ADGRA3: variants seen among roughly 807,000 people sequenced by gnomAD.
The protein encoded by ADGRA3 is G-protein coupled receptor 125.
In ADGRA3, 56 loss-of-function variants were observed where a neutral mutation model predicts 119.8. The observed-to-expected ratio is 0.47, with a 90% CI of 0.38 to 0.58. ADGRA3 has a LOEUF of 0.58. ADGRA3 is among the 20% of genes least tolerant of loss of function. The probability of loss-of-function intolerance (pLI) is 0.00; values close to 1 mark genes in which losing one functional copy is unlikely to be tolerated. For missense variants in ADGRA3, 1,516 were observed against 1,649.0 expected (o/e 0.92, Z 1.40); for synonymous variants, 607 against 623.8 (o/e 0.97, Z 0.40).
At chr4:22,505,646 CA>C (rs199814126) in intron 1 of ADGRA3, among the ~76,000 whole-genome samples, 19,039 of 122,786 alleles carry the variant, frequency 0.16, 1,310 homozygotes, top group East Asian at 0.39. Flanking sequence ...GACTCTGTCT[CA>C]AAAAAAAAAA....
chr4:22,487,509 C>A (rs957055684), intron 1 of ADGRA3, among the ~76,000 whole-genome samples: 1 of 152,138 alleles, frequency 6.6e-6, no homozygotes, highest in African/African-American at 2.4e-5. Flanking sequence ...GCTGTACAGC[C>A]CCCATTCCTA....
chr4:22,494,866 A>G (rs1208179176), intron 1 of ADGRA3, among the ~76,000 whole-genome samples: 1 of 151,926 alleles, frequency 6.6e-6, no homozygotes, highest in Non-Finnish European at 1.5e-5. Context: ...GACCCCCCTT[A>G]TATGTGGGGC....
intron 16 of ADGRA3, among the ~76,000 whole-genome samples, chr4:22,396,114 C>G (rs1714337540): frequency 6.6e-6 from 1 of 152,116 alleles, no homozygotes; most frequent in South Asian, 2.1e-4. Context: ...TATCATGAAC[C>G]AGAACACAGA....
At chr4:22,493,834 T>TA in intron 1 of ADGRA3, among the ~76,000 whole-genome samples, 1 of 152,148 alleles carries the variant, frequency 6.6e-6, no homozygotes, top group Non-Finnish European at 1.5e-5. Context: ...ATACAGGTCA[T>TA]AAAAAACCTC....
At chr4:22,392,854 A>G (rs1242609478) in intron 16 of ADGRA3, 164 bp from the exon 17 acceptor site, 9 of 572,866 alleles carry the variant, frequency 1.6e-5, no homozygotes, top group Non-Finnish European at 2.7e-5. Context: ...TCTAATAGAC[A>G]TGTGACAGGG....
chr4:22,498,400 C>T (rs529148876), intron 1 of ADGRA3, among the ~76,000 whole-genome samples: 3 of 150,950 alleles, frequency 2.0e-5, no homozygotes, highest in African/African-American at 7.3e-5. Flanking sequence ...GGGTGGATCA[C>T]CTGAGGTCAG....
chr4:22,458,815 G>A (rs1717337259), intron 3 of ADGRA3, among the ~76,000 whole-genome samples: 2 of 152,118 alleles, frequency 1.3e-5, no homozygotes, highest in Admixed American at 1.3e-4. Context: ...TCCATTAAAA[G>A]TCTTCACTAG....
At chr4:22,466,568 A>T (rs1717666349) in intron 2 of ADGRA3, among the ~76,000 whole-genome samples, 1 of 152,150 alleles carries the variant, frequency 6.6e-6, no homozygotes, top group South Asian at 2.1e-4. Context: ...CTCTACTAAA[A>T]ATACAAAAAT....
chr4:22,420,927 T>G lies in ADGRA3; in HGVS notation c.1768A>C (p.Lys590Gln). The G allele has an allele frequency of 6.2e-7, 1 of 1,614,140 alleles. No individual in the cohort carries two copies. Among genetic ancestry groups the G allele is most frequent in the Non-Finnish European group, 8.5e-7 (1 of 1,179,998 alleles). ...GAAAATGTATTTGAAACATTGCACT[T>G]AAAGCTCAGCTGCTTATCCAGGTTT... ...EGNLDKQLSF[K>Q]CNVSNTFSSL... Residue 590 changes from lysine (K) to glutamine (Q), a missense_variant, in exon 12 of 19, where the codon AAG (lysine) becomes CAG (glutamine). By Grantham distance (53) the Lys-to-Gln change is moderately conservative. Around this residue, in one of 2 missense-constraint regions of ADGRA3, gnomAD observed 1,088 missense variants for 1,107.1 expected, o/e 0.98. Coordinates refer to ENST00000334304, the MANE Select transcript of ADGRA3 (RefSeq NM_145290.4).
rs1715656181 is a variant in ADGRA3 at position 22,421,066 on chromosome 4, T to C, written c.1629A>G (p.Glu543=). The C allele has an allele frequency of 6.2e-7, 1 of 1,613,844 alleles. No individual in the cohort carries two copies. The highest frequency in any genetic ancestry group is 8.5e-7 in the Non-Finnish European group (1 of 1,179,844). The change falls in exon 12 of 19, where the codon GAA becomes GAG. Residue 543 remains glutamate (E), a synonymous_variant. Transcript: ENST00000334304. ...YSTYSPNIAL[E]AYVIKSTGFT... ...AGCCAGTAGACTTGATGACATAAGC[T>C]TCCAGAGCAATATTGGGTGAATACT...
At position 22,444,923 on chromosome 4, in the gene ADGRA3, A is replaced by ACC. The variant is rs765973313; in HGVS notation, c.706+49_706+50insGG. 2.0e-4 allele frequency: 318 copies of ACC among 1,582,508 alleles called. 6 individuals are homozygous for ACC. The South Asian group carries it at 3.1e-3, about 15-fold the overall frequency. ...TACAATTTGTCAAGAAAAACATGGT[A>ACC]GCAAGTCAAAATATGGTAAATGCTT... On this transcript the variant is annotated intron_variant, in intron 6 of 18. Transcript: ENST00000334304.
chr4:22,406,107 C>T (rs1714910723), intron 14 of ADGRA3, among the ~76,000 whole-genome samples: 1 of 152,184 alleles, frequency 6.6e-6, no homozygotes, highest in South Asian at 2.1e-4. Context: ...AACAAAATAA[C>T]TTCCAGGCTC....
At chr4:22,409,685 CTTCT>C (rs1715108535) in intron 14 of ADGRA3, among the ~76,000 whole-genome samples, 1 of 152,158 alleles carries the variant, frequency 6.6e-6, no homozygotes, top group Admixed American at 6.5e-5. Context: ...TCACCATCCT[CTTCT>C]TTAAGATACA....
chr4:22,432,397 T>G (rs1489215659), intron 10 of ADGRA3, among the ~76,000 whole-genome samples: 1 of 149,316 alleles, frequency 6.7e-6, no homozygotes, highest in Admixed American at 6.8e-5. Context: ...AAAAGCTTAA[T>G]AATACAGAAA....
rs540308447 is a variant in ADGRA3 at position 22,441,888 on chromosome 4, C to A, written c.920+762G>T. ...AAGTCTTGAATCTCAACTCAGAGAA[C>A]CCCTGAGATTTGAATGTCAACTCAG... On this transcript the variant is annotated intron_variant, in intron 7 of 18. Transcript: ENST00000334304. Among the ~76,000 whole-genome samples the A allele has an allele frequency of 9.2e-5, 14 of 152,232 alleles. No individual in the cohort carries two copies. The East Asian group carries it at 2.7e-3, about 29-fold the overall frequency.
chr4:22,486,259 G>A (rs1163565601), intron 1 of ADGRA3, among the ~76,000 whole-genome samples: 1 of 152,044 alleles, frequency 6.6e-6, no homozygotes, highest in African/African-American at 2.4e-5. Context: ...GTAAACAGAC[G>A]CAGCTCACTG....
intron 6 of ADGRA3, among the ~76,000 whole-genome samples, chr4:22,444,658 T>C (rs917930292): frequency 2.0e-5 from 3 of 152,124 alleles, no homozygotes; most frequent in South Asian, 4.1e-4. Flanking sequence ...CATCCTGAGA[T>C]TGTGTTACTA....
rs1713924055 is a variant in ADGRA3, at chr4:22,388,121, G to A, written c.3550C>T (p.Leu1184Phe). ...TAGGCATATTCTCTCAGGACTGTGAGTCGGCTTGCCCGGTGTCCTTTACTT... is the reference window on the plus strand; with the variant it reads ...TAGGCATATTCTCTCAGGACTGTGAATCGGCTTGCCCGGTGTCCTTTACTT... Reference protein sequence around the residue: ...NRSKGHRASRLTVLREYAYDV... With the variant: ...NRSKGHRASRFTVLREYAYDV... The change falls in exon 19 of 19, where the codon CTC becomes TTC. Residue 1184 changes from leucine to phenylalanine, a missense_variant. Transcript: ENST00000334304. 6.2e-7 allele frequency: 1 copy of A among 1,614,148 alleles called. No homozygotes were observed. The highest frequency in any genetic ancestry group is 2.2e-5 in the East Asian group (1 of 44,862).
intron 4 of ADGRA3, among the ~76,000 whole-genome samples, chr4:22,448,567 G>C (rs981249559): frequency 6.6e-6 from 1 of 152,192 alleles, no homozygotes; most frequent in African/African-American, 2.4e-5. Context: ...ATGTGAGAGA[G>C]AGTGACCATT....
Sources: allele counts gnomAD v4.1 joint callset (sites outside exome capture counted in the v4.1 genomes callset), GRCh38; gene constraint gnomAD v4.1.1; regional missense constraint gnomAD v4.1.1; transcripts MANE v1.5; gene names NCBI Gene and HGNC (gene_info 2026-07-23, HGNC 2026-07-21).